ABCA10: variants seen among roughly 807,000 people sequenced by gnomAD.
ABCA10 encodes the protein ATP-binding cassette sub-family A member 10.
ABCA10 carries 169 observed loss-of-function variants against 187.5 expected under a neutral mutation model. The observed-to-expected ratio is 0.90, with a 90% CI of 0.80 to 1.02. The LOEUF is 1.02. Among genes scored for constraint, ABCA10 ranks in the 50% least tolerant of loss-of-function variants. The probability of loss-of-function intolerance (pLI) is 0.00; values close to 1 mark genes in which losing one functional copy is unlikely to be tolerated. For missense variants in ABCA10, 1,727 were observed against 1,812.4 expected, an observed-to-expected ratio of 0.95 and a Z score of 0.86; for synonymous variants, 574 against 601.8, an observed-to-expected ratio of 0.95 and a Z score of 0.68.
At chr17:69,233,839 T>G (rs1324572400) in intron 1 of ABCA10, 1 of 152,186 alleles carries the variant, frequency 6.6e-6, no homozygotes, top group African/African-American at 2.4e-5. Flanking sequence ...TTGGGAGAGC[T>G]CTGAGATTTA....
intron 19 of ABCA10, among the ~76,000 whole-genome samples, chr17:69,186,153 A>G (rs1433785658): frequency 6.6e-6 from 1 of 152,166 alleles, no homozygotes; most frequent in Non-Finnish European, 1.5e-5. Flanking sequence ...CACCAACTCA[A>G]ATTGCAAGTG....
chr17:69,149,851 T>C (rs934763963), intron 37 of ABCA10, 133 bp downstream of exon 37: 2 of 680,530 alleles, frequency 2.9e-6, no homozygotes, highest in Middle Eastern at 8.0e-4. Context: ...GAGATTGTTA[T>C]GACTATCCTG....
intron 19 of ABCA10, among the ~76,000 whole-genome samples, chr17:69,186,135 A>C (rs2074419047): frequency 6.6e-6 from 1 of 152,192 alleles, no homozygotes; most frequent in Admixed American, 6.5e-5. Context: ...ATATCCTAGA[A>C]GTCATCCCAC....
chr17:69,206,574 C>T (rs1239122803), intron 9 of ABCA10, among the ~76,000 whole-genome samples: 1 of 152,192 alleles, frequency 6.6e-6, no homozygotes, highest in Admixed American at 6.5e-5. Context: ...AAGAGATACT[C>T]ACCACTTGAG....
In ABCA10 at chr17:69,214,761, C is replaced by T. The variant is rs748559641; in HGVS notation, c.949G>A (p.Ala317Thr). The T allele has an allele frequency of 1.3e-5, 20 of 1,513,846 alleles. No homozygotes were observed. In the South Asian group the frequency reaches 2.3e-4, roughly 18 times the overall value. 93.8% of individuals were successfully genotyped at this position (1,513,846 alleles called of 1,614,324 possible). Residue 317 changes from alanine (A) to threonine (T), a missense_variant, in exon 9 of 39, where the codon GCA becomes ACA. Physicochemically the swap from Ala to Thr is moderately conservative, Grantham distance 58 (BLOSUM62 0). Coordinates refer to ENST00000690296, the MANE Select transcript of ABCA10 (RefSeq NM_001377321.1). Reference protein sequence around the residue: ...YKMIATFFILAFDTLFYLIFT... With the variant: ...YKMIATFFILTFDTLFYLIFT... ...ATCAAATAGAAAAGAGTATCAAATG[C>T]CAAAATGAAAAAAGTGGCTATCATT...
intron 3 of ABCA10, among the ~76,000 whole-genome samples, chr17:69,224,724 A>T (rs1474449221): frequency 6.6e-6 from 1 of 151,568 alleles, no homozygotes; most frequent in African/African-American, 2.4e-5. Flanking sequence ...TCTAAGATCA[A>T]GGGCTGTGAA....
chr17:69,177,299 C>A (rs972215590), intron 22 of ABCA10, among the ~76,000 whole-genome samples: 4 of 152,146 alleles, frequency 2.6e-5, no homozygotes, highest in Non-Finnish European at 5.9e-5. Flanking sequence ...ATACTTCTTT[C>A]AATCTGCCAT....
chr17:69,162,808 TATATACATATACATATAC>T (rs1189322907), intron 27 of ABCA10, among the ~76,000 whole-genome samples: 1 of 126,274 alleles, frequency 7.9e-6, no homozygotes, highest in Non-Finnish European at 1.6e-5. Flanking sequence ...AAAAATTACA[TATATACATATACATATAC>T]ATATACATAT....
chr17:69,184,080 C>T (rs1225576258), intron 20 of ABCA10, among the ~76,000 whole-genome samples: 1 of 152,116 alleles, frequency 6.6e-6, no homozygotes, highest in Non-Finnish European at 1.5e-5. Flanking sequence ...TGAGGCCTGT[C>T]ACTGCCGGCT....
chr17:69,211,302 CATCATATATATGATATATATATATAT>C (rs1183598841), intron 9 of ABCA10, among the ~76,000 whole-genome samples: 1 of 33,886 alleles, frequency 3.0e-5, no homozygotes, highest in African/African-American at 1.4e-4. Flanking sequence ...CATATATATA[CATCATATATATGATATATATATATAT>C]ATATATATAT....
chr17:69,222,850 T>C (rs1317552012), intron 3 of ABCA10, among the ~76,000 whole-genome samples, 153 bp from the exon 4 acceptor site: 1 of 152,204 alleles, frequency 6.6e-6, no homozygotes, highest in African/African-American at 2.4e-5. Flanking sequence ...AGTGAAACTA[T>C]TGTTTTAAGT....
chr17:69,220,829 A>G (rs1166990518), intron 5 of ABCA10, among the ~76,000 whole-genome samples: 1 of 152,174 alleles, frequency 6.6e-6, no homozygotes, highest in African/African-American at 2.4e-5. Context: ...TATTGAACAC[A>G]GGCACACTCA....
At chr17:69,161,149 G>A (rs1462249272) in intron 27 of ABCA10, among the ~76,000 whole-genome samples, 1 of 152,012 alleles carries the variant, frequency 6.6e-6, no homozygotes, top group Non-Finnish European at 1.5e-5. Context: ...AAATAAGCTA[G>A]TCACAAAAAG....
chr17:69,159,343 C>G (rs1391732136), intron 27 of ABCA10, among the ~76,000 whole-genome samples: 1 of 151,724 alleles, frequency 6.6e-6, no homozygotes, highest in Admixed American at 6.6e-5. Context: ...AATGGTAGTT[C>G]CAAAAAGATA....
chr17:69,191,566 GTAAC>G (rs2074460239), intron 16 of ABCA10, among the ~76,000 whole-genome samples: 2 of 152,096 alleles, frequency 1.3e-5, no homozygotes, highest in Non-Finnish European at 1.5e-5. Context: ...TCCTTTAAAT[GTAAC>G]TAAAGCACAG....
intron 1 of ABCA10, among the ~76,000 whole-genome samples, chr17:69,236,352 T>C (rs572245433): frequency 1.3e-5 from 2 of 152,314 alleles, no homozygotes; most frequent in Non-Finnish European, 2.9e-5. Context: ...ACTTCACATG[T>C]AAGAAGATAG....
intron 17 of ABCA10, among the ~76,000 whole-genome samples, chr17:69,190,963 G>A (rs1048535505): frequency 1.5e-4 from 23 of 152,064 alleles, no homozygotes; most frequent in African/African-American, 5.6e-4. Context: ...GACAAAGAGT[G>A]CAAATCGGGG....
chr17:69,190,045 C>A (rs1001740730), intron 18 of ABCA10, among the ~76,000 whole-genome samples: 1 of 152,162 alleles, frequency 6.6e-6, no homozygotes, highest in Non-Finnish European at 1.5e-5. Context: ...TAGCAGAATT[C>A]ATCGCTATAG....
At chr17:69,158,217 T>A (rs1251078882) in intron 27 of ABCA10, among the ~76,000 whole-genome samples, 1 of 151,958 alleles carries the variant, frequency 6.6e-6, no homozygotes, top group Non-Finnish European at 1.5e-5. Flanking sequence ...ACAGTGTTAG[T>A]GTTAGTGGAT....
Sources: gnomAD v4.1 joint callset for allele counts (sites outside exome capture counted in the v4.1 genomes callset) on GRCh38, gnomAD v4.1.1 for gene constraint, MANE v1.5 for transcripts, NCBI Gene and HGNC (gene_info 2026-07-23, HGNC 2026-07-21) for gene names.